Variants in NUDT3 observed in about 807,000 individuals in gnomAD.
The protein encoded by NUDT3 is diphosphoinositol polyphosphate phosphohydrolase 1.
NUDT3 carries 9 observed loss-of-function variants against 23.6 expected under a neutral mutation model. That is an observed-to-expected ratio of 0.38 (90% CI 0.23 to 0.66). NUDT3 has a LOEUF of 0.66. Among genes scored for constraint, NUDT3 ranks in the 30% least tolerant of loss-of-function variants. The probability of loss-of-function intolerance (pLI) is 0.52; values close to 1 mark genes in which losing one functional copy is unlikely to be tolerated. For missense variants in NUDT3, 172 were observed against 218.5 expected (o/e 0.79, Z 1.34); for synonymous variants, 86 against 82.6 (o/e 1.04, Z -0.22).
chr6:34,332,759 G>C (rs1438544948), intron 2 of NUDT3, among the ~76,000 whole-genome samples: 1 of 152,136 alleles, frequency 6.6e-6, no homozygotes, highest in Non-Finnish European at 1.5e-5. Flanking sequence ...ACCAAGGAAT[G>C]GCTATACTGT....
intron 1 of NUDT3, among the ~76,000 whole-genome samples, chr6:34,362,266 A>G (rs1042828628): frequency 6.6e-6 from 1 of 152,236 alleles, no homozygotes; most frequent in East Asian, 1.9e-4. Flanking sequence ...GCTAGAGTGC[A>G]GTGGCATGAT....
intron 1 of NUDT3, among the ~76,000 whole-genome samples, chr6:34,377,731 G>A (rs1373937020): frequency 6.6e-6 from 1 of 151,736 alleles, no homozygotes; most frequent in Non-Finnish European, 1.5e-5. Flanking sequence ...TACTTGGGAG[G>A]CTGAGGCATG....
chr6:34,282,772 T>A lies in NUDT3; in HGVS notation c.*5981A>T, dbSNP rs1249386147. ...CTGTTTTTGTATCCTTTAAAGCCTA[T>A]ATCCAGGGTTTTAAATGACGCTTTT... On this transcript the variant is annotated 3_prime_UTR_variant, in exon 5 of 5. Transcript: ENST00000607016. 6.6e-6 allele frequency: 1 copy of A among 152,144 alleles called. No individual in the cohort carries two copies. Among genetic ancestry groups the A allele is most frequent in the Non-Finnish European group, 1.5e-5 (1 of 68,024 alleles). The allele number at this position is 152,144 out of a possible 1,614,324, so 9.4% of individuals were successfully genotyped here. A position where few individuals can be genotyped will look rare whatever the true frequency, so the allele number is the denominator to read the frequency against.
chr6:34,299,889 T>A (rs903112041), intron 2 of NUDT3, among the ~76,000 whole-genome samples: 1 of 148,932 alleles, frequency 6.7e-6, no homozygotes, highest in Admixed American at 6.7e-5. Flanking sequence ...GGTGACACAG[T>A]GAGACTGTCT....
Position 34,323,765 on chromosome 6 carries a change from G to C in NUDT3, c.210+18097C>G, listed in dbSNP as rs544392201. The stretch of plus-strand genomic sequence containing the variant: ...AGAAAGATAAAGCGAGTACGCAAAA[G>C]GTCAAAAGATGTTGTATTTAGAAGA... On this transcript the variant is annotated intron_variant, in intron 2 of 4. Transcript: ENST00000607016. 2.0e-5 allele frequency among the ~76,000 whole-genome samples: 3 copies of C among 152,278 alleles called. No individual in the cohort carries two copies. In the East Asian group the frequency reaches 5.8e-4, roughly 29 times the overall value.
intron 2 of NUDT3, among the ~76,000 whole-genome samples, chr6:34,296,722 A>G (rs1044385725): frequency 2.0e-5 from 3 of 152,204 alleles, no homozygotes; most frequent in African/African-American, 7.2e-5. Context: ...GCTAGAACGC[A>G]AGATCCCATG....
At chr6:34,366,470 GGGAAGGGAGGGA>G (rs1308814041) in intron 1 of NUDT3, among the ~76,000 whole-genome samples, 2 of 107,018 alleles carry the variant, frequency 1.9e-5, no homozygotes, top group Non-Finnish European at 3.8e-5. Context: ...AAGAGAGAGA[GGGAAGGGAGGGA>G]GGGAGGGAGG....
intron 1 of NUDT3, among the ~76,000 whole-genome samples, chr6:34,348,795 A>G (rs1764422758): frequency 6.6e-6 from 1 of 151,808 alleles, no homozygotes; most frequent in African/African-American, 2.4e-5. Flanking sequence ...ATAGAAAGAA[A>G]CAAAAGAACA....
At chr6:34,326,802 T>C (rs889968220) in intron 2 of NUDT3, among the ~76,000 whole-genome samples, 4 of 152,070 alleles carry the variant, frequency 2.6e-5, no homozygotes, top group African/African-American at 9.7e-5. Flanking sequence ...GGTTTCACCA[T>C]GTTGGTCAGG....
chr6:34,299,763 G>A (rs974057932), intron 2 of NUDT3, among the ~76,000 whole-genome samples: 4 of 151,494 alleles, frequency 2.6e-5, no homozygotes, highest in African/African-American at 7.3e-5. Flanking sequence ...AAAATTACCC[G>A]GGCGTGGTGG....
At chr6:34,330,354 A>AGAT (rs1358980367) in intron 2 of NUDT3, among the ~76,000 whole-genome samples, 1 of 152,192 alleles carries the variant, frequency 6.6e-6, no homozygotes, top group African/African-American at 2.4e-5. Context: ...AACTGGTGTG[A>AGAT]GATGGTACCT....
intron 1 of NUDT3, among the ~76,000 whole-genome samples, chr6:34,350,513 T>C (rs1434319147): frequency 6.6e-6 from 1 of 151,000 alleles, no homozygotes; most frequent in Non-Finnish European, 1.5e-5. Flanking sequence ...AAAGAACAGC[T>C]GTCACAAAGT....
intron 1 of NUDT3, among the ~76,000 whole-genome samples, chr6:34,361,663 G>A (rs574186236): frequency 5.3e-5 from 8 of 152,242 alleles, no homozygotes; most frequent in South Asian, 2.1e-4. Context: ...ATAAGGTGTG[G>A]TACAACCACA....
At chr6:34,363,377 T>C (rs532191043) in intron 1 of NUDT3, among the ~76,000 whole-genome samples, 68 of 152,302 alleles carry the variant, frequency 4.5e-4, no homozygotes, top group African/African-American at 1.5e-3. Context: ...CAAAAGAGAT[T>C]AGCAGAAACG....
At chr6:34,324,919 G>A (rs921362213) in intron 2 of NUDT3, among the ~76,000 whole-genome samples, 4 of 152,088 alleles carry the variant, frequency 2.6e-5, no homozygotes, top group African/African-American at 4.8e-5. Flanking sequence ...AATTACACTC[G>A]GCCACGTGAG....
chr6:34,369,876 A>T (rs4713774), intron 1 of NUDT3, among the ~76,000 whole-genome samples: 13,449 of 152,238 alleles, frequency 0.088, 1,326 homozygotes, highest in East Asian at 0.44. Context: ...ACCTCTTCCT[A>T]GTATGACTAA....
At chr6:34,341,824 G>A (rs1302219276) in intron 2 of NUDT3, 38 bp downstream of exon 2, 1 of 1,584,096 alleles carries the variant, frequency 6.3e-7, no homozygotes, top group Non-Finnish European at 8.6e-7. Flanking sequence ...GGTTCATGAT[G>A]ACGAGGCACA....
intron 1 of NUDT3, among the ~76,000 whole-genome samples, chr6:34,345,974 G>C (rs1764362676): frequency 6.6e-6 from 1 of 151,720 alleles, no homozygotes; most frequent in Non-Finnish European, 1.5e-5. Flanking sequence ...TCTCCATGTT[G>C]GTCAGGCTGG....
chr6:34,333,058 C>G (rs1256161877), intron 2 of NUDT3, among the ~76,000 whole-genome samples: 1 of 152,150 alleles, frequency 6.6e-6, no homozygotes, highest in East Asian at 1.9e-4. Context: ...TTCTGCTGCC[C>G]TAGTCTAAAG....
Sources: allele counts gnomAD v4.1 joint callset (sites outside exome capture counted in the v4.1 genomes callset), GRCh38; gene constraint gnomAD v4.1.1; transcripts MANE v1.5; gene names NCBI Gene and HGNC (gene_info 2026-07-23, HGNC 2026-07-21).